CELF1: variants seen among roughly 807,000 people sequenced by gnomAD.
The protein encoded by CELF1 is CUGBP Elav-like family member 1.
A neutral mutation model predicts 61.8 loss-of-function variants in CELF1; 10 were observed. That is an observed-to-expected ratio of 0.16 (90% CI 0.10 to 0.27). The LOEUF is 0.27. Ranked by LOEUF, CELF1 falls within the 10% of genes least tolerant of loss-of-function variation. The pLI is 1.00. For synonymous variants in CELF1, 236 were observed against 225.1 expected, an observed-to-expected ratio of 1.05 and a Z score of -0.43; for missense variants, 380 against 639.1, an observed-to-expected ratio of 0.59 and a Z score of 4.37.
At chr11:47,483,723 A>G (rs1026159983) in intron 7 of CELF1, among the ~76,000 whole-genome samples, 191 bp from the exon 8 acceptor site, 1 of 152,232 alleles carries the variant, frequency 6.6e-6, no homozygotes, top group Admixed American at 6.5e-5. Flanking sequence ...TGACAGAAAA[A>G]AAAAATGCTT....
chr11:47,528,149 G>A (rs1279962308), intron 1 of CELF1, among the ~76,000 whole-genome samples: 1 of 145,128 alleles, frequency 6.9e-6, no homozygotes, highest in Non-Finnish European at 1.5e-5. Flanking sequence ...CCACAGTTGT[G>A]TACATGAAAA....
intron 1 of CELF1, among the ~76,000 whole-genome samples, chr11:47,542,096 G>A (rs959738536): frequency 2.0e-5 from 3 of 152,168 alleles, no homozygotes; most frequent in Admixed American, 6.6e-5. Context: ...TGGGCTGGGC[G>A]CGGTGGCGTG....
intron 1 of CELF1, among the ~76,000 whole-genome samples, chr11:47,542,196 C>T (rs1044649977): frequency 6.6e-6 from 1 of 152,030 alleles, no homozygotes; most frequent in African/African-American, 2.4e-5. Flanking sequence ...ATGGTGAAAC[C>T]CCATCTCTAC....
upstream of CELF1, among the ~76,000 whole-genome samples, chr11:47,555,999 C>CAAAAA (rs34873224): frequency 7.5e-5 from 4 of 53,432 alleles, no homozygotes; most frequent in African/African-American, 2.0e-4. Flanking sequence ...GACTCTGTCT[C>CAAAAA]AAAAAAAAAA....
At chr11:47,528,267 T>C (rs1460216153) in intron 1 of CELF1, among the ~76,000 whole-genome samples, 1 of 152,094 alleles carries the variant, frequency 6.6e-6, no homozygotes, top group Non-Finnish European at 1.5e-5. Context: ...AAATACGGGA[T>C]TGGACTAGAT....
chr11:47,495,757 T>A lies in CELF1; in HGVS notation c.71+3696A>T, dbSNP rs574130085. ...TTACAGTTCAGTCCACCTGTGTCCT[T>A]ATAAGAAAGCCCTTTCATATATGCT... On this transcript the variant is annotated intron_variant, in intron 3 of 14. Transcript: ENST00000687097. 4.6e-5 allele frequency among the ~76,000 whole-genome samples: 7 copies of A among 152,316 alleles called. No homozygotes were observed. In the South Asian group the frequency reaches 1.4e-3, roughly 32 times the overall value.
At chr11:47,488,584 A>G (rs1218761388) in intron 4 of CELF1, among the ~76,000 whole-genome samples, 1 of 152,280 alleles carries the variant, frequency 6.6e-6, no homozygotes, top group Non-Finnish European at 1.5e-5. Flanking sequence ...TTTACAAATT[A>G]TCCTCATGCT....
At chr11:47,477,054 G>A (rs544767443) in intron 11 of CELF1, 95 bp from the exon 12 acceptor site, 4 of 1,106,584 alleles carry the variant, frequency 3.6e-6, no homozygotes, top group South Asian at 2.6e-5. Context: ...TATTTGTAAA[G>A]AGGTTTTCAG....
upstream of CELF1, among the ~76,000 whole-genome samples, chr11:47,555,053 GT>G (rs1351455881): frequency 1.3e-5 from 2 of 152,184 alleles, no homozygotes; most frequent in Non-Finnish European, 2.9e-5. Flanking sequence ...GAGGATAGAG[GT>G]TTTGTCTGTT....
At chr11:47,538,663 T>G (rs192765451) in intron 1 of CELF1, among the ~76,000 whole-genome samples, 1 of 118,316 alleles carries the variant, frequency 8.5e-6, no homozygotes. Flanking sequence ...AAAAAAAAAA[T>G]CTCCATTTCA....
rs1167665269 is a variant in CELF1 at position 47,472,317 on chromosome 11, G to A, written c.1458C>T (p.Ala486=). 1.2e-6 allele frequency: 2 copies of A among 1,614,112 alleles called. No homozygotes were observed. Among genetic ancestry groups the A allele is most frequent in the Non-Finnish European group, 1.7e-6 (2 of 1,180,006 alleles). The change falls in exon 15 of 15, where the codon GCC becomes GCT. Residue 486 remains alanine, a synonymous_variant. Transcript: ENST00000687097. ...SYDNPVSAQA[A]IQSMNGFQIG... Reference sequence around the variant, plus strand: ...TCTGAAAGCCGTTCATGGACTGGATGGCAGCTTGGGCCGAAACAGGATTGT... The same window carrying A: ...TCTGAAAGCCGTTCATGGACTGGATAGCAGCTTGGGCCGAAACAGGATTGT...
At chr11:47,475,898 GAACCCTACCATTAA>G (rs1000796223) in intron 12 of CELF1, among the ~76,000 whole-genome samples, 1 of 152,098 alleles carries the variant, frequency 6.6e-6, no homozygotes, top group African/African-American at 2.4e-5. Context: ...AGATGTGGGT[GAACCCTACCATTAA>G]AACAGCAACT....
chr11:47,499,338 C>T (rs1368638440), intron 3 of CELF1, 115 bp downstream of exon 3: 2 of 760,086 alleles, frequency 2.6e-6, no homozygotes, highest in African/African-American at 3.5e-5. Flanking sequence ...GTTGTTTTGG[C>T]TTCTTTCCCC....
At chr11:47,510,758 G>A (rs986431478) in intron 1 of CELF1, among the ~76,000 whole-genome samples, 1 of 152,128 alleles carries the variant, frequency 6.6e-6, no homozygotes, top group African/African-American at 2.4e-5. Context: ...AAAGTGCTGG[G>A]ATTACAGGTG....
intron 2 of CELF1, among the ~76,000 whole-genome samples, chr11:47,558,483 TTATA>T: frequency 8.0e-6 from 1 of 125,496 alleles, no homozygotes; most frequent in Non-Finnish European, 1.6e-5. Flanking sequence ...CATATATATA[TTATA>T]TATTTAATAT....
chr11:47,517,660 T>C (rs910853373), intron 1 of CELF1, among the ~76,000 whole-genome samples: 1 of 152,136 alleles, frequency 6.6e-6, no homozygotes. Context: ...ACAGAAATTT[T>C]TTTTTTTTTG....
chr11:47,549,290 C>G (rs2097070514), intron 1 of CELF1, among the ~76,000 whole-genome samples: 1 of 152,172 alleles, frequency 6.6e-6, no homozygotes, highest in African/African-American at 2.4e-5. Context: ...ACAGAATTAT[C>G]ACTTGATCCA....
chr11:47,544,596 T>C (rs558461215), intron 1 of CELF1, among the ~76,000 whole-genome samples: 2 of 152,358 alleles, frequency 1.3e-5, no homozygotes, highest in East Asian at 1.9e-4. Flanking sequence ...AAAGACTTAA[T>C]TCTCCAGATT....
intron 1 of CELF1, 90 bp from the exon 2 acceptor site, chr11:47,501,022 AG>A (rs1376458177): frequency 2.5e-6 from 1 of 397,580 alleles, no homozygotes; most frequent in African/African-American, 2.1e-5. Flanking sequence ...GCATAGGCCT[AG>A]AAGTTCTAAT....
Sources: allele counts gnomAD v4.1 joint callset (sites outside exome capture counted in the v4.1 genomes callset), GRCh38; gene constraint gnomAD v4.1.1; transcripts MANE v1.5; gene names NCBI Gene and HGNC (gene_info 2026-07-23, HGNC 2026-07-21).